MGAT5B: variants seen among roughly 807,000 people sequenced by gnomAD.
The protein encoded by MGAT5B is N-acetylglucosaminyl-transferase Vb.
Under a neutral mutation model 95.1 loss-of-function variants are expected in MGAT5B, and 54 were observed. The ratio of observed to expected loss-of-function variants is 0.57; its 90% CI spans 0.46 to 0.71. The LOEUF is 0.71. Among genes scored for constraint, MGAT5B ranks in the 30% least tolerant of loss-of-function variants. The pLI is 0.00. For missense variants in MGAT5B, 935 were observed against 1,088.6 expected, an observed-to-expected ratio of 0.86 and a Z score of 1.99; for synonymous variants, 464 against 451.0, an observed-to-expected ratio of 1.03 and a Z score of -0.36.
chr17:76,892,723 C>G lies in MGAT5B; in HGVS notation c.330-9832C>G, dbSNP rs556644934. Reference sequence around the variant, plus strand: ...TGTTCCTCTCCCAGTGAAGCTGTGACAGCGCCTGCTCTCCCAGCAACGATA... The same window carrying G: ...TGTTCCTCTCCCAGTGAAGCTGTGAGAGCGCCTGCTCTCCCAGCAACGATA... On this transcript the variant is annotated intron_variant, in intron 3 of 17. Transcript: ENST00000569840. Among the ~76,000 whole-genome samples the G allele has an allele frequency of 2.0e-5, 3 of 152,372 alleles. No individual in the cohort carries two copies. In the East Asian group the frequency reaches 5.8e-4, roughly 29 times the overall value.
intron 3 of MGAT5B, among the ~76,000 whole-genome samples, chr17:76,896,116 C>T (rs914464652): frequency 2.6e-5 from 4 of 152,236 alleles, no homozygotes; most frequent in Non-Finnish European, 5.9e-5. Context: ...CCACCATCCC[C>T]CCAGTCCAGC....
intron 10 of MGAT5B, among the ~76,000 whole-genome samples, chr17:76,932,233 A>G (rs912513066): frequency 6.6e-5 from 10 of 151,892 alleles, no homozygotes; most frequent in African/African-American, 2.4e-4. Flanking sequence ...AGTGGGCTCA[A>G]GCGATTCTCC....
chr17:76,948,501 A>G, intron 17 of MGAT5B, 139 bp from the exon 18 acceptor site: 1 of 938,048 alleles, frequency 1.1e-6, no homozygotes, highest in Admixed American at 2.7e-5. Context: ...GCCGTAACAC[A>G]TTTCCTTACC....
intron 3 of MGAT5B, among the ~76,000 whole-genome samples, chr17:76,900,910 T>C (rs1227254325): frequency 1.3e-4 from 15 of 113,356 alleles, no homozygotes; most frequent in African/African-American, 2.5e-4. Context: ...TGTGTGTGTG[T>C]GCGTGTGTAC....
chr17:76,895,345 G>A lies in MGAT5B; in HGVS notation c.330-7210G>A, dbSNP rs976073620. ...TTATTTCATAATAATGAAATAAAAT[G>A]TACAGTCAATGTAATATACTTGAAT... On this transcript the variant is annotated intron_variant, in intron 3 of 17. Coordinates refer to ENST00000569840, the MANE Select transcript of MGAT5B (RefSeq NM_001199172.2). Among the ~76,000 whole-genome samples the A allele has an allele frequency of 5.9e-5, 9 of 152,140 alleles. No homozygotes were observed. The East Asian group carries it at 9.6e-4, about 16-fold the overall frequency.
intron 1 of MGAT5B, among the ~76,000 whole-genome samples, chr17:76,871,526 T>C (rs145428476): frequency 1.3e-5 from 2 of 152,368 alleles, no homozygotes; most frequent in East Asian, 1.9e-4. Flanking sequence ...GGGAATTTTG[T>C]TGTGCTTTTT....
chr17:76,941,783 G>A (rs529297181), intron 15 of MGAT5B, among the ~76,000 whole-genome samples: 1 of 152,384 alleles, frequency 6.6e-6, no homozygotes. Context: ...ACCCCAGGAA[G>A]CAGGCACGGA....
intron 8 of MGAT5B, among the ~76,000 whole-genome samples, chr17:76,911,427 C>A (rs934143678): frequency 1.3e-5 from 2 of 152,176 alleles, no homozygotes; most frequent in Admixed American, 1.3e-4. Flanking sequence ...ACCCAGGATA[C>A]CCTTGGTTGC....
intron 6 of MGAT5B, 93 bp downstream of exon 6, chr17:76,904,515 G>T: frequency 7.3e-7 from 1 of 1,373,462 alleles, no homozygotes; most frequent in South Asian, 1.4e-5. Flanking sequence ...GAGGGAATGA[G>T]ACTGAGCTGC....
intron 2 of MGAT5B, among the ~76,000 whole-genome samples, chr17:76,876,328 A>G (rs1015280630): frequency 3.2e-4 from 48 of 151,874 alleles, no homozygotes; most frequent in African/African-American, 9.9e-4. Context: ...CTGGGGAGGG[A>G]TCTTGGAAGT....
chr17:76,891,660 G>A (rs1967874337), intron 3 of MGAT5B, among the ~76,000 whole-genome samples: 2 of 152,236 alleles, frequency 1.3e-5, no homozygotes, highest in Non-Finnish European at 1.5e-5. Flanking sequence ...GATTACAGGC[G>A]TGAGCCACTG....
In MGAT5B at chr17:76,940,898, G is replaced by T. The variant is rs367809630; in HGVS notation, c.1848+50G>T. 2.0e-6 allele frequency: 3 copies of T among 1,469,414 alleles called. No individual in the cohort carries two copies. Among genetic ancestry groups the T allele is most frequent in the Non-Finnish European group, 2.9e-6 (3 of 1,051,256 alleles). 91.0% of individuals were successfully genotyped at this position (1,469,414 alleles called of 1,614,324 possible). The stretch of plus-strand genomic sequence containing the variant: ...GACCCCCCACTAGTCCACACTGCTG[G>T]TCTTCACTCTGATTAGAAAACGGTG... On this transcript the variant is annotated intron_variant, in intron 15 of 17. Coordinates refer to ENST00000569840, the MANE Select transcript of MGAT5B (RefSeq NM_001199172.2). The surrounding 1 kb of genome is among the most constrained non-coding windows in gnomAD (Gnocchi z 4.3).
chr17:76,889,569 C>T lies in MGAT5B; in HGVS notation c.329+7271C>T, dbSNP rs753185629. 1.3e-5 allele frequency among the ~76,000 whole-genome samples: 2 copies of T among 152,224 alleles called. No individual in the cohort carries two copies. The highest frequency in any genetic ancestry group is 2.9e-5 in the Non-Finnish European group (2 of 68,030). Reference sequence around the variant, plus strand: ...GCCAGTGCCACCCCAGGGCAGCCGTCGGCCCCCAGGGGCATGTTCTGGATT... The same window carrying T: ...GCCAGTGCCACCCCAGGGCAGCCGTTGGCCCCCAGGGGCATGTTCTGGATT... On this transcript the variant is annotated intron_variant, in intron 3 of 17. Coordinates refer to ENST00000569840, the MANE Select transcript of MGAT5B (RefSeq NM_001199172.2). The surrounding 1 kb of genome is among the most constrained non-coding windows in gnomAD (Gnocchi z 4.4).
rs147343105 is a variant in MGAT5B, at chr17:76,886,223, TA to T, written c.329+3926del. Reference sequence around the variant, plus strand: ...GGTCAGTCCGTATTTGTTGAATGCCTAGTGTGTGCAGAGTCTGGGCTGGAGG... The same window carrying T: ...GGTCAGTCCGTATTTGTTGAATGCCTGTGTGTGCAGAGTCTGGGCTGGAGG... On this transcript the variant is annotated intron_variant, in intron 3 of 17. Coordinates refer to ENST00000569840, the MANE Select transcript of MGAT5B (RefSeq NM_001199172.2). Among the ~76,000 whole-genome samples the T allele has an allele frequency of 2.0e-3, 299 of 152,286 alleles. 3 individuals carry two copies. Among genetic ancestry groups the T allele is most frequent in the African/African-American group, 6.7e-3 (280 of 41,562 alleles).
At position 76,949,039 on chromosome 17, in the gene MGAT5B, C is replaced by A; in HGVS notation, c.*201C>A. Reference sequence around the variant, plus strand: ...CAGCATGCCGAGCCCCTGGGACCTCCCAGGCAGGCTCCGGTTCTCTCCTGG... The same window carrying A: ...CAGCATGCCGAGCCCCTGGGACCTCACAGGCAGGCTCCGGTTCTCTCCTGG... On this transcript the variant is annotated 3_prime_UTR_variant, in exon 18 of 18. Transcript: ENST00000569840. The A allele has an allele frequency of 1.6e-6, 1 of 637,212 alleles. No individual in the cohort carries two copies. The highest frequency in any genetic ancestry group is 2.6e-6 in the Non-Finnish European group (1 of 382,316). 39.5% of individuals were successfully genotyped at this position (637,212 alleles called of 1,614,324 possible). A position where few individuals can be genotyped will look rare whatever the true frequency, so the allele number is the denominator to read the frequency against.
Position 76,940,567 on chromosome 17 carries a change from G to A in MGAT5B, c.1731+19G>A, listed in dbSNP as rs201738014. The A allele has an allele frequency of 1.3e-5, 20 of 1,599,586 alleles. No individual in the cohort carries two copies. The East Asian group carries it at 4.0e-4, about 32-fold the overall frequency. ...CAGAGAGGTGAGTGGAAAGCATCCTGGTCCCCGATCAGGAGGGGCCGGGAC... is the reference window on the plus strand; with the variant it reads ...CAGAGAGGTGAGTGGAAAGCATCCTAGTCCCCGATCAGGAGGGGCCGGGAC... On this transcript the variant is annotated intron_variant, in intron 14 of 17. Transcript: ENST00000569840. This position sits in a 1 kb window ranked among gnomAD's most constrained non-coding sequence, Gnocchi z 4.3.
chr17:76,901,109 C>T (rs1968300022), intron 3 of MGAT5B, among the ~76,000 whole-genome samples: 1 of 152,172 alleles, frequency 6.6e-6, no homozygotes, highest in South Asian at 2.1e-4. Flanking sequence ...GGGCCACTGC[C>T]CTTTCTTTCC....
chr17:76,932,752 G>C lies in MGAT5B; in HGVS notation c.1399G>C (p.Gly467Arg), dbSNP rs774124356. The C allele has an allele frequency of 1.2e-6, 2 of 1,613,748 alleles. No individual in the cohort carries two copies. The highest frequency in any genetic ancestry group is 1.1e-5 in the South Asian group (1 of 91,068). ...GKASNMAVVY[G>R]KEASIWKLQG... ...GGCCAGCAACATGGCCGTGGTGTAC[G>C]GCAAGGAGGCGAGCATCTGGAAGGT... The change falls in exon 11 of 18, where the codon GGC becomes CGC. Residue 467 changes from glycine to arginine, a missense_variant. By Grantham distance (125) the Gly-to-Arg change is moderately radical. Around this residue, in one of 4 missense-constraint regions of MGAT5B, gnomAD observed 440 missense variants for 523.6 expected, o/e 0.84. Coordinates refer to ENST00000569840, the MANE Select transcript of MGAT5B (RefSeq NM_001199172.2).
At chr17:76,893,303 C>A (rs1967948799) in intron 3 of MGAT5B, among the ~76,000 whole-genome samples, 1 of 152,150 alleles carries the variant, frequency 6.6e-6, no homozygotes, top group African/African-American at 2.4e-5. Flanking sequence ...ACCGAGCAGG[C>A]ACATGGTAAA....
Sources: allele counts gnomAD v4.1 joint callset (sites outside exome capture counted in the v4.1 genomes callset), GRCh38; gene constraint gnomAD v4.1.1; regional missense constraint gnomAD v4.1.1; non-coding constraint Gnocchi (gnomAD v3.1); transcripts MANE v1.5; gene names NCBI Gene and HGNC (gene_info 2026-07-23, HGNC 2026-07-21).